The following GABRB1 variants were observed in gnomAD, a reference collection of about 807,000 sequenced individuals.
The protein encoded by GABRB1 is gamma-aminobutyric acid type A receptor subunit beta1.
Under a neutral mutation model 51.6 loss-of-function variants are expected in GABRB1, and 17 were observed. That is an observed-to-expected ratio of 0.33 (90% CI 0.23 to 0.49). The LOEUF (loss-of-function observed/expected upper bound fraction) is 0.49, where lower values mean the gene tolerates loss of function less well. Among genes scored for constraint, GABRB1 ranks in the 20% least tolerant of loss-of-function variants. The probability of loss-of-function intolerance (pLI) is 0.99; values close to 1 mark genes in which losing one functional copy is unlikely to be tolerated. For synonymous variants in GABRB1, 247 were observed against 218.9 expected (o/e 1.13, Z -1.14); for missense variants, 410 against 600.6 (o/e 0.68, Z 3.32).
At chr4:47,165,481 A>G (rs563439461) in intron 4 of GABRB1, among the ~76,000 whole-genome samples, 28 of 152,102 alleles carry the variant, frequency 1.8e-4, no homozygotes, top group Non-Finnish European at 2.9e-4. Flanking sequence ...GCCAAAAATT[A>G]CCAAAACAAT....
intron 4 of GABRB1, among the ~76,000 whole-genome samples, chr4:47,284,483 A>G (rs375517287): frequency 6.6e-6 from 1 of 152,220 alleles, no homozygotes; most frequent in Admixed American, 6.5e-5. Flanking sequence ...CTTATTCTCA[A>G]CACTCTACTA....
chr4:47,090,934 C>A (rs139232363), intron 3 of GABRB1, among the ~76,000 whole-genome samples: 1 of 152,168 alleles, frequency 6.6e-6, no homozygotes, highest in African/African-American at 2.4e-5. Flanking sequence ...ATCATCTCCT[C>A]GAAGAATATA....
chr4:47,296,135 T>G (rs1723984320), intron 4 of GABRB1, among the ~76,000 whole-genome samples: 1 of 152,164 alleles, frequency 6.6e-6, no homozygotes, highest in South Asian at 2.1e-4. Context: ...GAAAAACCAG[T>G]ACCGGCCACT....
At chr4:47,354,104 C>T (rs1362181650) in intron 5 of GABRB1, among the ~76,000 whole-genome samples, 2 of 152,122 alleles carry the variant, frequency 1.3e-5, no homozygotes, top group African/African-American at 4.8e-5. Flanking sequence ...CTAGTCCCAC[C>T]CCTAGAACCC....
chr4:47,338,224 T>C (rs1725767599), intron 5 of GABRB1, among the ~76,000 whole-genome samples: 1 of 152,198 alleles, frequency 6.6e-6, no homozygotes, highest in Non-Finnish European at 1.5e-5. Context: ...AAAGTGCTAT[T>C]TGTCTCACTC....
intron 4 of GABRB1, among the ~76,000 whole-genome samples, chr4:47,270,163 A>G (rs1244105123): frequency 6.6e-6 from 1 of 152,182 alleles, no homozygotes; most frequent in African/African-American, 2.4e-5. Context: ...AAAAAGTCTG[A>G]TTGGCTGGCT....
intron 4 of GABRB1, among the ~76,000 whole-genome samples, chr4:47,196,013 A>G (rs2109790375): frequency 6.6e-6 from 1 of 152,346 alleles, no homozygotes; most frequent in East Asian, 1.9e-4. Context: ...CTCAAACCAT[A>G]TGTAGTAGTA....
chr4:47,216,625 A>G (rs1347776374), intron 4 of GABRB1, among the ~76,000 whole-genome samples: 1 of 151,916 alleles, frequency 6.6e-6, no homozygotes, highest in Non-Finnish European at 1.5e-5. Flanking sequence ...GGGAATTGGA[A>G]TAATCCAATG....
intron 4 of GABRB1, among the ~76,000 whole-genome samples, chr4:47,254,562 C>T (rs1014880778): frequency 2.0e-5 from 3 of 151,248 alleles, no homozygotes; most frequent in Admixed American, 6.6e-5. Context: ...TTAGTAGAGA[C>T]GGGGTTTCAC....
At chr4:47,280,210 A>G (rs949379755) in intron 4 of GABRB1, among the ~76,000 whole-genome samples, 51 of 151,870 alleles carry the variant, frequency 3.4e-4, no homozygotes, top group Admixed American at 3.3e-3. Flanking sequence ...AAAACATCTT[A>G]TACTAATAGC....
intron 4 of GABRB1, among the ~76,000 whole-genome samples, chr4:47,269,659 T>C (rs112340901): frequency 1.1e-3 from 160 of 152,228 alleles, no homozygotes; most frequent in African/African-American, 3.5e-3. Flanking sequence ...TTATGCTCTT[T>C]TGTTTTCTTT....
At chr4:47,268,930 T>G (rs1309011324) in intron 4 of GABRB1, among the ~76,000 whole-genome samples, 1 of 152,194 alleles carries the variant, frequency 6.6e-6, no homozygotes, top group Non-Finnish European at 1.5e-5. Context: ...ATTTTGTGAG[T>G]ATAGGAAAAC....
At chr4:47,066,926 A>C (rs758289054) in intron 3 of GABRB1, among the ~76,000 whole-genome samples, 8 of 152,222 alleles carry the variant, frequency 5.3e-5, no homozygotes, top group Non-Finnish European at 1.0e-4. Flanking sequence ...AAGAATCATT[A>C]TCTCTGGTAG....
At chr4:47,323,676 T>C (rs1316382309) in intron 5 of GABRB1, among the ~76,000 whole-genome samples, 4 of 152,210 alleles carry the variant, frequency 2.6e-5, no homozygotes, top group African/African-American at 9.7e-5. Flanking sequence ...GTGGAAACTT[T>C]GCCTGCATCA....
At chr4:47,079,521 A>G (rs890160087) in intron 3 of GABRB1, among the ~76,000 whole-genome samples, 2 of 151,986 alleles carry the variant, frequency 1.3e-5, no homozygotes, top group Non-Finnish European at 2.9e-5. Context: ...GGATTATAAA[A>G]CATGCTGCTA....
chr4:47,292,339 T>A (rs1459430850), intron 4 of GABRB1, among the ~76,000 whole-genome samples: 1 of 152,242 alleles, frequency 6.6e-6, no homozygotes, highest in Non-Finnish European at 1.5e-5. Flanking sequence ...GTCTTGGGTA[T>A]GTCTTTATCA....
chr4:47,003,081 A>G (rs1724280044), intron 1 of GABRB1, among the ~76,000 whole-genome samples: 1 of 30,942 alleles, frequency 3.2e-5, no homozygotes, highest in East Asian at 8.2e-4. Context: ...CTTTATAATA[A>G]AAAAAAACTT....
intron 1 of GABRB1, among the ~76,000 whole-genome samples, chr4:46,998,588 G>A: frequency 6.6e-6 from 1 of 151,924 alleles, no homozygotes; most frequent in African/African-American, 2.4e-5. Context: ...AAAAAAATTA[G>A]CCAGGCGTGG....
intron 4 of GABRB1, among the ~76,000 whole-genome samples, chr4:47,202,742 A>G (rs1174815952): frequency 6.6e-6 from 1 of 152,146 alleles, no homozygotes; most frequent in African/African-American, 2.4e-5. Flanking sequence ...CTTCTTGATC[A>G]ATGTAAATAA....
Sources: gnomAD v4.1 joint callset for allele counts (sites outside exome capture counted in the v4.1 genomes callset) on GRCh38, gnomAD v4.1.1 for gene constraint, MANE v1.5 for transcripts, NCBI Gene and HGNC (gene_info 2026-07-23, HGNC 2026-07-21) for gene names.